ADGRG4: variants seen among roughly 807,000 people sequenced by gnomAD.
The protein encoded by ADGRG4 is G protein-coupled receptor 112.
ADGRG4 carries 122 observed loss-of-function variants against 126.2 expected under a neutral mutation model. The observed-to-expected ratio is 0.97, with a 90% CI of 0.83 to 1.12. The LOEUF (loss-of-function observed/expected upper bound fraction) is 1.12. Ranked by LOEUF, ADGRG4 falls within the 50% of genes most tolerant of loss-of-function variation. The pLI is 0.00. For missense variants in ADGRG4, 2,481 were observed against 2,251.8 expected, an observed-to-expected ratio of 1.10 and a Z score of -2.06; for synonymous variants, 943 against 838.7, an observed-to-expected ratio of 1.12 and a Z score of -2.15.
chrX:136,330,806 A>C (rs1205832267), intron 5 of ADGRG4, among the ~76,000 whole-genome samples: 2 of 111,476 alleles, frequency 1.8e-5, no homozygotes, highest in Non-Finnish European at 3.8e-5. Flanking sequence ...CCATCCCCTC[A>C]AGTATTTATC....
chrX:136,393,176 G>A (rs888225768), intron 17 of ADGRG4, among the ~76,000 whole-genome samples: 1 of 111,679 alleles, frequency 9.0e-6, no homozygotes, highest in Admixed American at 9.5e-5. Context: ...TGATCTCAGC[G>A]GTGAGCCCCG....
Position 136,323,037 on chromosome X carries a change from C to T in ADGRG4, c.330C>T (p.Ile110=). Residue 110 remains isoleucine, a synonymous_variant, in exon 5 of 26, where the codon ATC becomes ATT. Transcript: ENST00000394143. ...ILYRLGKTFS[I]RHHLASFQWH... is the part of the protein sequence containing the mutation. The stretch of plus-strand genomic sequence containing the variant: ...ACAGATTGGGAAAGACCTTTTCTAT[C>T]CGTCACCACCTGGCTTCATTTCAAT... 3 of 1,211,508 alleles carry T rather than the reference C, an allele frequency of 2.5e-6. No homozygotes were observed. The highest frequency in any genetic ancestry group is 1.8e-5 in the South Asian group (1 of 56,969).
intron 19 of ADGRG4, among the ~76,000 whole-genome samples, chrX:136,397,039 T>C (rs2075353375): frequency 9.0e-6 from 1 of 111,036 alleles, no homozygotes; most frequent in African/African-American, 3.3e-5. Flanking sequence ...TCTGTCCACC[T>C]CAGCCTCCCA....
chrX:136,343,846 G>A (rs2074994218), intron 5 of ADGRG4, among the ~76,000 whole-genome samples: 1 of 111,660 alleles, frequency 9.0e-6, no homozygotes, highest in African/African-American at 3.2e-5. Context: ...TCATATTATA[G>A]AGGAGGAAAC....
intron 10 of ADGRG4, among the ~76,000 whole-genome samples, chrX:136,358,773 T>C (rs1249396340): frequency 8.9e-6 from 1 of 112,036 alleles, no homozygotes; most frequent in African/African-American, 3.2e-5. Context: ...AATCAGAACA[T>C]GTGGAGGAAG....
intron 9 of ADGRG4, among the ~76,000 whole-genome samples, chrX:136,356,869 G>C (rs1165967048): frequency 1.8e-5 from 2 of 111,295 alleles, no homozygotes; most frequent in Non-Finnish European, 3.8e-5. Context: ...CAGGCACGGT[G>C]GTGCATTCCT....
intron 15 of ADGRG4, among the ~76,000 whole-genome samples, chrX:136,380,836 C>T (rs2075259856): frequency 9.2e-6 from 1 of 108,683 alleles, no homozygotes; most frequent in South Asian, 4.0e-4. Flanking sequence ...CTCAGCCTCC[C>T]CAGTAGCTGG....
chrX:136,316,626 C>T (rs1418498051), intron 4 of ADGRG4, among the ~76,000 whole-genome samples: 1 of 110,567 alleles, frequency 9.0e-6, no homozygotes, highest in African/African-American at 3.3e-5. Flanking sequence ...TGCCACCACG[C>T]CTGGCTAATT....
intron 5 of ADGRG4, among the ~76,000 whole-genome samples, chrX:136,334,786 T>A (rs1182310396): frequency 8.9e-6 from 1 of 112,355 alleles, no homozygotes; most frequent in Non-Finnish European, 1.9e-5. Context: ...TTTTGTATTC[T>A]GAACTCATTT....
chrX:136,346,840 C>T lies in ADGRG4; in HGVS notation c.3134C>T (p.Thr1045Ile). ...EPSTLARAFS[T>I]SVLSDVSNLS... is the part of the protein sequence containing the mutation. ...TCTACACTGGCCAGGGCTTTTTCTA[C>T]ATCTGTGCTCTCAGATGTCTCAAAT... Residue 1045 changes from threonine to isoleucine, a missense_variant, in exon 6 of 26, where the codon ACA (threonine) becomes ATA (isoleucine). Coordinates refer to ENST00000394143, the MANE Select transcript of ADGRG4 (RefSeq NM_153834.4). 1 of 1,211,074 alleles carries T rather than the reference C, an allele frequency of 8.3e-7. No homozygotes were observed. Among genetic ancestry groups the T allele is most frequent in the South Asian group, 1.8e-5 (1 of 56,993 alleles).
At chrX:136,405,323 TGC>T (rs1196543672) in intron 22 of ADGRG4, among the ~76,000 whole-genome samples, 12 of 78,427 alleles carry the variant, frequency 1.5e-4, no homozygotes, top group Admixed American at 3.0e-4. Flanking sequence ...GGGCAGGGCG[TGC>T]GGGGGCGGTG....
chrX:136,386,272 A>T (rs1429096312), intron 15 of ADGRG4, among the ~76,000 whole-genome samples: 3 of 111,665 alleles, frequency 2.7e-5, no homozygotes, highest in Non-Finnish European at 5.7e-5. Context: ...TTGAATTCCC[A>T]GTGTATTTTG....
chrX:136,317,005 T>C (rs990428802), intron 4 of ADGRG4, among the ~76,000 whole-genome samples: 1 of 111,344 alleles, frequency 9.0e-6, no homozygotes, highest in Non-Finnish European at 1.9e-5. Context: ...TAATACAGGA[T>C]ACAACTATTT....
intron 24 of ADGRG4, among the ~76,000 whole-genome samples, chrX:136,412,960 A>G (rs1360024026): frequency 8.9e-6 from 1 of 112,206 alleles, no homozygotes; most frequent in Non-Finnish European, 1.9e-5. Context: ...CTCAGTCTCA[A>G]TACAAAGCCT....
At chrX:136,381,726 G>A (rs1216926759) in intron 15 of ADGRG4, among the ~76,000 whole-genome samples, 1 of 110,704 alleles carries the variant, frequency 9.0e-6, no homozygotes, top group African/African-American at 3.3e-5. Context: ...ATATATGAGA[G>A]TTTATTAAGT....
intron 4 of ADGRG4, among the ~76,000 whole-genome samples, chrX:136,313,945 G>A (rs761813024): frequency 1.8e-5 from 2 of 111,037 alleles, no homozygotes; most frequent in Admixed American, 1.9e-4. Context: ...TCTGGAAATG[G>A]CTTCTCTGCA....
Position 136,348,157 on chromosome X carries a change from G to A in ADGRG4, c.4451G>A (p.Arg1484Lys). 1 of 1,209,358 alleles carries A rather than the reference G, an allele frequency of 8.3e-7. No homozygotes were observed. Among genetic ancestry groups the A allele is most frequent in the Non-Finnish European group, 1.1e-6 (1 of 893,615 alleles). The part of the protein sequence containing the change: ...YNDGFTVLSD[R>K]ITTAFSVPNV... ...GACGGTTTTACAGTTCTCTCCGACA[G>A]GATCACTACAGCCTTTTCTGTTCCA... Residue 1484 changes from arginine to lysine, a missense_variant, in exon 6 of 26, where the codon AGG becomes AAG. Physicochemically the swap from Arg to Lys is conservative, Grantham distance 26. Coordinates refer to ENST00000394143, the MANE Select transcript of ADGRG4 (RefSeq NM_153834.4).
At chrX:136,303,797 A>G (rs2074717642) in intron 1 of ADGRG4, among the ~76,000 whole-genome samples, 1 of 111,219 alleles carries the variant, frequency 9.0e-6, no homozygotes, top group Non-Finnish European at 1.9e-5. Context: ...CTGGCTTGCT[A>G]TTCCCCACCA....
At position 136,397,882 on chromosome X, in the gene ADGRG4, A is replaced by G. The variant is rs776975554; in HGVS notation, c.8186A>G (p.Asp2729Gly). ...AACACAACACATTGTGTTCCTTAGGATTTATCCAGGTCTACAGTGGATTCA... is the reference window on the plus strand; with the variant it reads ...AACACAACACATTGTGTTCCTTAGGGTTTATCCAGGTCTACAGTGGATTCA... ...DHLTHFGVLM[D>G]LSRSTVDSVN... is the part of the protein sequence containing the mutation. The change falls in exon 20 of 26, where the codon GAT becomes GGT. Residue 2729 changes from aspartate to glycine, a missense_variant and splice_region_variant. By Grantham distance (94) the Asp-to-Gly change is moderately conservative. Transcript: ENST00000394143. The G allele has an allele frequency of 9.1e-6, 11 of 1,207,631 alleles. No individual in the cohort carries two copies. The highest frequency in any genetic ancestry group is 1.7e-5 in the African/African-American group (1 of 57,701).
Sources: allele counts gnomAD v4.1 joint callset (sites outside exome capture counted in the v4.1 genomes callset), GRCh38; gene constraint gnomAD v4.1.1; transcripts MANE v1.5; gene names NCBI Gene and HGNC (gene_info 2026-07-23, HGNC 2026-07-21).